The following CERS6 variants were observed in gnomAD, a reference collection of about 807,000 sequenced individuals.
CERS6 encodes ceramide synthase 6.
A neutral mutation model predicts 56.8 loss-of-function variants in CERS6; 26 were observed. That is an observed-to-expected ratio of 0.46 (90% CI 0.34 to 0.63). The LOEUF (loss-of-function observed/expected upper bound fraction) is 0.63. Ranked by LOEUF, CERS6 falls within the 30% of genes least tolerant of loss-of-function variation. The probability of loss-of-function intolerance (pLI) is 0.01; values close to 1 mark genes in which losing one functional copy is unlikely to be tolerated. For missense variants in CERS6, 415 were observed against 467.5 expected, an observed-to-expected ratio of 0.89 and a Z score of 1.04; for synonymous variants, 164 against 173.3, an observed-to-expected ratio of 0.95 and a Z score of 0.42.
intron 3 of CERS6, among the ~76,000 whole-genome samples, chr2:168,604,600 A>G (rs1684008758): frequency 6.6e-6 from 1 of 152,132 alleles, no homozygotes; most frequent in African/African-American, 2.4e-5. Flanking sequence ...ACAGTTTCTC[A>G]TGGTTTAACA....
intron 8 of CERS6, among the ~76,000 whole-genome samples, chr2:168,752,281 G>GTGTGTGTT (rs1684293169): frequency 1.6e-5 from 2 of 127,748 alleles, no homozygotes; most frequent in African/African-American, 7.3e-5. Context: ...AAAAATAAAT[G>GTGTGTGTT]TGTGTGTGTG....
intron 8 of CERS6, among the ~76,000 whole-genome samples, chr2:168,725,878 T>C (rs1303662285): frequency 6.6e-6 from 1 of 152,248 alleles, no homozygotes; most frequent in African/African-American, 2.4e-5. Context: ...CTTGACTTTG[T>C]AGTCACACAG....
intron 1 of CERS6, among the ~76,000 whole-genome samples, chr2:168,496,286 T>C (rs1558971850): frequency 6.6e-6 from 1 of 152,146 alleles, no homozygotes; most frequent in South Asian, 2.1e-4. Context: ...ACAATGACAC[T>C]AGTATAGTAG....
intron 3 of CERS6, among the ~76,000 whole-genome samples, chr2:168,627,397 A>G (rs978962831): frequency 6.6e-6 from 1 of 152,204 alleles, no homozygotes; most frequent in Non-Finnish European, 1.5e-5. Flanking sequence ...AGGTTAATGA[A>G]TAATGTATTT....
At chr2:168,676,710 C>T (rs186690807) in intron 4 of CERS6, among the ~76,000 whole-genome samples, 5 of 152,282 alleles carry the variant, frequency 3.3e-5, no homozygotes, top group African/African-American at 1.2e-4. Context: ...CCTAGTTCAG[C>T]CTGCAACTCA....
chr2:168,670,980 C>CCCG (rs397710827), intron 4 of CERS6, among the ~76,000 whole-genome samples: 1 of 82,232 alleles, frequency 1.2e-5, no homozygotes, highest in Non-Finnish European at 3.5e-5. Flanking sequence ...CCCCCCCCCC[C>CCCG]AGACGGAAGC....
chr2:168,660,193 A>G (rs909963686), intron 4 of CERS6, among the ~76,000 whole-genome samples: 7 of 152,208 alleles, frequency 4.6e-5, no homozygotes, highest in African/African-American at 1.2e-4. Context: ...GTTGAGCTCT[A>G]TGGGCACTGC....
intron 3 of CERS6, among the ~76,000 whole-genome samples, chr2:168,595,643 T>G (rs1009164099): frequency 5.3e-5 from 8 of 152,224 alleles, no homozygotes; most frequent in African/African-American, 1.9e-4. Context: ...TATCTCTCAT[T>G]TAACATTTTC....
intron 6 of CERS6, among the ~76,000 whole-genome samples, chr2:168,705,007 C>T (rs943619866): frequency 1.3e-5 from 2 of 152,138 alleles, no homozygotes; most frequent in African/African-American, 4.8e-5. Flanking sequence ...TCTTTCCTGC[C>T]TCCTTCCTCA....
chr2:168,601,356 T>C (rs1186175718), intron 3 of CERS6, among the ~76,000 whole-genome samples: 1 of 152,216 alleles, frequency 6.6e-6, no homozygotes, highest in Non-Finnish European at 1.5e-5. Context: ...ATGATTTAAA[T>C]TAAACTTAAT....
chr2:168,663,126 T>G (rs1300031139), intron 4 of CERS6, among the ~76,000 whole-genome samples: 1 of 152,216 alleles, frequency 6.6e-6, no homozygotes, highest in East Asian at 1.9e-4. Context: ...TCTCTCCCTT[T>G]GAGAACCTGA....
intron 1 of CERS6, among the ~76,000 whole-genome samples, chr2:168,534,433 C>T (rs1482935714): frequency 1.4e-5 from 2 of 145,124 alleles, no homozygotes; most frequent in Non-Finnish European, 3.0e-5. Flanking sequence ...ATTGTTGATG[C>T]TGTTGTCGTT....
At chr2:168,504,037 A>G (rs1279069612) in intron 1 of CERS6, among the ~76,000 whole-genome samples, 1 of 152,248 alleles carries the variant, frequency 6.6e-6, no homozygotes, top group African/African-American at 2.4e-5. Context: ...GCTTGTCTTT[A>G]GAGATCTTGT....
intron 8 of CERS6, among the ~76,000 whole-genome samples, chr2:168,759,521 A>T (rs1574226015): frequency 6.6e-6 from 1 of 152,192 alleles, no homozygotes; most frequent in Admixed American, 6.5e-5. Flanking sequence ...TTTGGAAAGA[A>T]AAGAATTTAT....
intron 6 of CERS6, among the ~76,000 whole-genome samples, chr2:168,710,756 A>T (rs189691657): frequency 6.6e-6 from 1 of 152,222 alleles, no homozygotes; most frequent in East Asian, 1.9e-4. Flanking sequence ...AGACATCAGA[A>T]TTTCAGAAGT....
intron 3 of CERS6, among the ~76,000 whole-genome samples, chr2:168,575,520 C>A (rs967421687): frequency 5.3e-5 from 8 of 152,050 alleles, no homozygotes; most frequent in Admixed American, 2.6e-4. Context: ...TGGCTCCCAC[C>A]AGATCCCTCC....
intron 1 of CERS6, among the ~76,000 whole-genome samples, chr2:168,536,389 A>G (rs1469461031): frequency 6.6e-6 from 1 of 152,138 alleles, no homozygotes; most frequent in Non-Finnish European, 1.5e-5. Flanking sequence ...ACAACATTGT[A>G]TTGTTTTGGA....
chr2:168,494,524 AAC>A (rs1694429233), intron 1 of CERS6, among the ~76,000 whole-genome samples: 1 of 152,220 alleles, frequency 6.6e-6, no homozygotes, highest in Admixed American at 6.5e-5. Context: ...TTAAATAAAT[AAC>A]AGTTTCTCAA....
At chr2:168,654,594 A>G (rs16855658) in intron 4 of CERS6, among the ~76,000 whole-genome samples, 16,394 of 152,000 alleles carry the variant, frequency 0.11, 917 homozygotes, top group Middle Eastern at 0.15. Flanking sequence ...GTAATTCACA[A>G]GGTAAGACCT....
Sources: gnomAD v4.1 joint callset for allele counts (sites outside exome capture counted in the v4.1 genomes callset) on GRCh38, gnomAD v4.1.1 for gene constraint, MANE v1.5 for transcripts, NCBI Gene and HGNC (gene_info 2026-07-23, HGNC 2026-07-21) for gene names.